Variants in NALCN observed in about 807,000 individuals in gnomAD.
NALCN encodes sodium leak channel NALCN.
Under a neutral mutation model 225.3 loss-of-function variants are expected in NALCN, and 111 were observed. The observed-to-expected ratio is 0.49, with a 90% CI of 0.42 to 0.58. The LOEUF is 0.58. NALCN is among the 20% of genes least tolerant of loss of function. NALCN has a pLI of 0.00. For synonymous variants in NALCN, 764 were observed against 769.0 expected, an observed-to-expected ratio of 0.99 and a Z score of 0.11; for missense variants, 1,378 against 2,202.4, an observed-to-expected ratio of 0.63 and a Z score of 7.49.
intron 6 of NALCN, among the ~76,000 whole-genome samples, chr13:101,373,912 CAT>C (rs2046611306): frequency 1.3e-5 from 2 of 152,018 alleles, no homozygotes; most frequent in Admixed American, 1.3e-4. Flanking sequence ...TCCCTCAAGA[CAT>C]ATATAATAAA....
At chr13:101,198,618 G>C (rs527982516) in intron 13 of NALCN, among the ~76,000 whole-genome samples, 1 of 152,112 alleles carries the variant, frequency 6.6e-6, no homozygotes, top group Non-Finnish European at 1.5e-5. Context: ...TTAGAATGGC[G>C]ATCATTAAAA....
chr13:101,395,080 AATG>A (rs1260805276), intron 3 of NALCN, 100 bp downstream of exon 3: 4 of 1,163,624 alleles, frequency 3.4e-6, no homozygotes, highest in African/African-American at 3.1e-5. Flanking sequence ...TATAAGATAA[AATG>A]ATGTTTTGTT....
At chr13:101,269,832 C>T (rs1258679292) in intron 10 of NALCN, among the ~76,000 whole-genome samples, 2 of 152,092 alleles carry the variant, frequency 1.3e-5, no homozygotes, top group Non-Finnish European at 2.9e-5. Flanking sequence ...GACATACACT[C>T]AAGTGTCAGT....
chr13:101,094,897 A>G (rs1264430025), intron 28 of NALCN, among the ~76,000 whole-genome samples: 1 of 152,170 alleles, frequency 6.6e-6, no homozygotes, highest in Admixed American at 6.6e-5. Context: ...CTAAAAGAAA[A>G]CTTAAAAAAC....
chr13:101,228,572 G>C (rs1216419099), intron 13 of NALCN, among the ~76,000 whole-genome samples: 2 of 152,100 alleles, frequency 1.3e-5, no homozygotes, highest in Admixed American at 1.3e-4. Context: ...ATTCTCTCTT[G>C]CCTGCCACCA....
chr13:101,104,160 C>T lies in NALCN; in HGVS notation c.2889+135G>A. The T allele has an allele frequency of 1.0e-6, 1 of 1,004,358 alleles. No homozygotes were observed. 62.2% of individuals were successfully genotyped at this position (1,004,358 alleles called of 1,614,324 possible). On this transcript the variant is annotated intron_variant, in intron 25 of 43. Transcript: ENST00000251127. This position sits in a 1 kb window ranked among gnomAD's most constrained non-coding sequence, Gnocchi z 4.2. ...GCCCTTATTTGCATATAATGAACTACTCTAGAGTCCATTTAAGAATTCGGT... is the reference window on the plus strand; with the variant it reads ...GCCCTTATTTGCATATAATGAACTATTCTAGAGTCCATTTAAGAATTCGGT...
At chr13:101,229,070 C>T (rs1382220253) in intron 13 of NALCN, among the ~76,000 whole-genome samples, 1 of 152,126 alleles carries the variant, frequency 6.6e-6, no homozygotes, top group Non-Finnish European at 1.5e-5. Context: ...CTCTTGAACA[C>T]AAAAATGCAA....
At chr13:101,152,237 T>C (rs1289862999) in intron 15 of NALCN, among the ~76,000 whole-genome samples, 1 of 152,232 alleles carries the variant, frequency 6.6e-6, no homozygotes, top group Non-Finnish European at 1.5e-5. Flanking sequence ...TAACATTAGC[T>C]GATTAACTGC....
chr13:101,073,720 G>C (rs1397579738), intron 36 of NALCN, 43 bp from the exon 37 acceptor site: 3 of 1,538,740 alleles, frequency 1.9e-6, no homozygotes, highest in South Asian at 2.3e-5. Context: ...AATTATAGAA[G>C]GGTTTGTCAT....
At chr13:101,314,001 G>A (rs916605005) in intron 7 of NALCN, among the ~76,000 whole-genome samples, 1 of 151,976 alleles carries the variant, frequency 6.6e-6, no homozygotes, top group Non-Finnish European at 1.5e-5. Context: ...AAGAGTTCAT[G>A]TCCTTTGTAG....
intron 7 of NALCN, among the ~76,000 whole-genome samples, chr13:101,309,864 C>A (rs534112594): frequency 6.6e-6 from 1 of 152,234 alleles, no homozygotes; most frequent in African/African-American, 2.4e-5. Flanking sequence ...ATAGCATTTT[C>A]AATCTAATCA....
intron 15 of NALCN, among the ~76,000 whole-genome samples, chr13:101,159,727 G>T (rs2038070607): frequency 2.0e-5 from 3 of 152,052 alleles, no homozygotes. Flanking sequence ...ATGCCTATGA[G>T]ACCAGGGAGA....
At chr13:101,376,382 T>A (rs1341375740) in intron 6 of NALCN, among the ~76,000 whole-genome samples, 2 of 152,206 alleles carry the variant, frequency 1.3e-5, no homozygotes, top group South Asian at 4.2e-4. Flanking sequence ...TCGGGCATGG[T>A]GGTGCACGCC....
chr13:101,343,851 G>C (rs551794099), intron 7 of NALCN, among the ~76,000 whole-genome samples: 5 of 152,282 alleles, frequency 3.3e-5, no homozygotes, highest in African/African-American at 1.2e-4. Flanking sequence ...GCTGCATTTT[G>C]AATTTGGGTA....
rs781507193 is a variant in NALCN, at chr13:101,083,812, G to T, written c.3490-8C>A. The T allele has an allele frequency of 1.6e-5, 25 of 1,612,204 alleles. No homozygotes were observed. The highest frequency in any genetic ancestry group is 2.0e-5 in the Non-Finnish European group (24 of 1,179,000). ...GGTCAGCAAAGCCGTCCCCTTAACA[G>T]ACAAAAGAAAGCAGGAAAAGGCCTT... is the stretch of plus-strand genomic sequence containing the variant. On this transcript the variant is annotated splice_region_variant and splice_polypyrimidine_tract_variant and intron_variant, in intron 30 of 43. Coordinates refer to ENST00000251127, the MANE Select transcript of NALCN (RefSeq NM_052867.4).
At chr13:101,155,963 A>C (rs772120707) in intron 15 of NALCN, among the ~76,000 whole-genome samples, 12 of 152,152 alleles carry the variant, frequency 7.9e-5, no homozygotes, top group Non-Finnish European at 1.6e-4. Flanking sequence ...CTTACTTGGA[A>C]TTATTCTGAG....
At chr13:101,102,658 T>G (rs1566814587) in intron 26 of NALCN, among the ~76,000 whole-genome samples, 1 of 152,240 alleles carries the variant, frequency 6.6e-6, no homozygotes, top group African/African-American at 2.4e-5. Flanking sequence ...CACTCATTAC[T>G]GTAATGCTGA....
intron 7 of NALCN, among the ~76,000 whole-genome samples, chr13:101,322,646 C>T (rs1197468519): frequency 6.6e-6 from 1 of 152,068 alleles, no homozygotes; most frequent in Non-Finnish European, 1.5e-5. Flanking sequence ...TAAATAGAAA[C>T]CACTTGTTTT....
intron 6 of NALCN, among the ~76,000 whole-genome samples, chr13:101,358,518 C>A (rs192321845): frequency 3.3e-5 from 5 of 152,028 alleles, no homozygotes; most frequent in Non-Finnish European, 7.4e-5. Flanking sequence ...CCAGTCAGAA[C>A]GGCGATTATT....
Sources: gnomAD v4.1 joint callset for allele counts (sites outside exome capture counted in the v4.1 genomes callset) on GRCh38, gnomAD v4.1.1 for gene constraint, Gnocchi (gnomAD v3.1) non-coding constraint, MANE v1.5 for transcripts, NCBI Gene and HGNC (gene_info 2026-07-23, HGNC 2026-07-21) for gene names.